Variants in C8orf34 observed in about 807,000 individuals in gnomAD.
The protein encoded by C8orf34 is chromosome 8 open reading frame 34, also known as uncharacterized protein C8orf34.
C8orf34 carries 65 observed loss-of-function variants against 68.3 expected under a neutral mutation model. The observed-to-expected ratio is 0.95, with a 90% confidence interval of 0.78 to 1.17. C8orf34 has a LOEUF of 1.17. Ranked by LOEUF, C8orf34 falls within the 50% of genes most tolerant of loss-of-function variation. The pLI, the probability that C8orf34 is intolerant of heterozygous loss-of-function variation, is 0.00. For synonymous variants in C8orf34, 244 were observed against 241.2 expected (o/e 1.01, Z -0.11); for missense variants, 664 against 655.4 (o/e 1.01, Z -0.14).
intron 7 of C8orf34, among the ~76,000 whole-genome samples, chr8:68,603,464 C>T (rs1002804907): frequency 6.6e-6 from 1 of 151,410 alleles, no homozygotes; most frequent in African/African-American, 2.4e-5. Flanking sequence ...ATACCCAGAT[C>T]ATGGTATATT....
chr8:68,632,563 A>G (rs1476189987), intron 7 of C8orf34, among the ~76,000 whole-genome samples: 2 of 152,174 alleles, frequency 1.3e-5, no homozygotes, highest in Non-Finnish European at 2.9e-5. Flanking sequence ...TGTTAATGGC[A>G]AAGACAATGA....
At chr8:68,705,828 G>GA (rs1821148494) in intron 8 of C8orf34, among the ~76,000 whole-genome samples, 1 of 152,128 alleles carries the variant, frequency 6.6e-6, no homozygotes, top group Non-Finnish European at 1.5e-5. Flanking sequence ...GTTGGGGGGT[G>GA]ATAGTGGATA....
At chr8:68,547,814 A>G (rs1346980893) in intron 7 of C8orf34, among the ~76,000 whole-genome samples, 3 of 151,796 alleles carry the variant, frequency 2.0e-5, no homozygotes, top group Admixed American at 2.0e-4. Flanking sequence ...CCCTAAGGCT[A>G]TAATAATCAA....
At chr8:68,576,475 C>T (rs1034146687) in intron 7 of C8orf34, among the ~76,000 whole-genome samples, 5 of 151,420 alleles carry the variant, frequency 3.3e-5, no homozygotes, top group East Asian at 3.9e-4. Flanking sequence ...CAGAAGGAAG[C>T]GCCAGTTCTT....
At chr8:68,331,458 G>A (rs866909291) in intron 1 of C8orf34, 119 bp downstream of exon 1, 4 of 1,125,868 alleles carry the variant, frequency 3.6e-6, no homozygotes, top group Middle Eastern at 1.9e-4. Flanking sequence ...ACCAACGCGC[G>A]GGAGAGGGCG....
At chr8:68,406,049 G>T (rs963685668) in intron 1 of C8orf34, among the ~76,000 whole-genome samples, 4 of 152,146 alleles carry the variant, frequency 2.6e-5, no homozygotes, top group Non-Finnish European at 1.5e-5. Context: ...TCATTTATAG[G>T]GTGGAGAGTT....
intron 1 of C8orf34, among the ~76,000 whole-genome samples, chr8:68,361,292 G>T (rs1368413742): frequency 6.6e-6 from 1 of 152,198 alleles, no homozygotes; most frequent in Admixed American, 6.5e-5. Flanking sequence ...CTGAAGGGTT[G>T]CTCCAACAGA....
intron 1 of C8orf34, among the ~76,000 whole-genome samples, chr8:68,424,724 C>A (rs1003687046): frequency 4.6e-5 from 7 of 152,008 alleles, no homozygotes; most frequent in Non-Finnish European, 8.8e-5. Flanking sequence ...CACGGTGTAA[C>A]CCTGTCTCTA....
intron 4 of C8orf34, among the ~76,000 whole-genome samples, chr8:68,473,500 T>G (rs1812470316): frequency 6.6e-6 from 1 of 152,182 alleles, no homozygotes; most frequent in Admixed American, 6.5e-5. Context: ...TAGTCCCAGA[T>G]AGCCTTTTCC....
At chr8:68,815,444 T>G (rs73683735) in intron 12 of C8orf34, among the ~76,000 whole-genome samples, 1 of 152,088 alleles carries the variant, frequency 6.6e-6, no homozygotes, top group Non-Finnish European at 1.5e-5. Flanking sequence ...TGGTACTAAT[T>G]TATAATTTTG....
chr8:68,429,663 A>C (rs1810372409), intron 1 of C8orf34, among the ~76,000 whole-genome samples: 1 of 152,244 alleles, frequency 6.6e-6, no homozygotes, highest in Non-Finnish European at 1.5e-5. Context: ...GTGTATTCAT[A>C]CAGTGAAAAC....
chr8:68,640,299 T>A (rs1818966430), intron 7 of C8orf34, 77 bp from the exon 8 acceptor site: 1 of 1,376,656 alleles, frequency 7.3e-7, no homozygotes, highest in Non-Finnish European at 1.0e-6. Flanking sequence ...TAATGGCAGA[T>A]ACCTGAAAAT....
At chr8:68,417,245 T>G (rs1212621328) in intron 1 of C8orf34, among the ~76,000 whole-genome samples, 1 of 152,288 alleles carries the variant, frequency 6.6e-6, no homozygotes, top group Admixed American at 6.5e-5. Flanking sequence ...ATTACAGAAA[T>G]TCTCATATAC....
intron 12 of C8orf34, among the ~76,000 whole-genome samples, chr8:68,789,698 G>A (rs1823938247): frequency 6.6e-6 from 1 of 152,046 alleles, no homozygotes; most frequent in Admixed American, 6.6e-5. Context: ...AGAAGAATTA[G>A]TAAATGAATG....
chr8:68,778,542 T>C (rs1039922726), intron 11 of C8orf34, among the ~76,000 whole-genome samples: 2 of 152,130 alleles, frequency 1.3e-5, no homozygotes, highest in African/African-American at 4.8e-5. Flanking sequence ...AAAGTAAAGC[T>C]AAAATGGAGC....
At chr8:68,817,155 T>C (rs1824844316) in intron 13 of C8orf34, among the ~76,000 whole-genome samples, 1 of 152,170 alleles carries the variant, frequency 6.6e-6, no homozygotes, top group Admixed American at 6.5e-5. Flanking sequence ...GGTTTTCTTA[T>C]CATGGAACTT....
At chr8:68,439,693 C>A in intron 2 of C8orf34, 47 bp downstream of exon 2, 1 of 1,549,154 alleles carries the variant, frequency 6.5e-7, no homozygotes, top group Non-Finnish European at 8.7e-7. Flanking sequence ...CATTTAATGT[C>A]AAAATTTCAA....
chr8:68,463,363 C>A lies in C8orf34; in HGVS notation c.608-5329C>A, dbSNP rs560013819. On this transcript the variant is annotated intron_variant, in intron 3 of 13. Coordinates refer to ENST00000518698, the MANE Select transcript of C8orf34 (RefSeq NM_052958.4). ...TCACAGCCGAATTCTACCAGAGGTA[C>A]AAGGAGGAACTGGTACCATTCCTTC... Among the ~76,000 whole-genome samples, 18 of 152,088 alleles carry A rather than the reference C, an allele frequency of 1.2e-4. No individual in the cohort carries two copies. In the East Asian group the frequency reaches 3.5e-3, roughly 29 times the overall value.
intron 7 of C8orf34, among the ~76,000 whole-genome samples, chr8:68,550,753 A>T (rs1484648053): frequency 6.6e-6 from 1 of 151,222 alleles, no homozygotes; most frequent in African/African-American, 2.4e-5. Flanking sequence ...TGGTACAGGA[A>T]TCTAAGTTGG....
Sources: gnomAD v4.1 joint callset for allele counts (sites outside exome capture counted in the v4.1 genomes callset) on GRCh38, gnomAD v4.1.1 for gene constraint, MANE v1.5 for transcripts, NCBI Gene and HGNC (gene_info 2026-07-23, HGNC 2026-07-21) for gene names.